Variants in SLC4A11 observed in about 807,000 individuals in gnomAD.
The protein encoded by SLC4A11 is bicarbonate transporter related protein 1.
SLC4A11 carries 74 observed loss-of-function variants against 95.0 expected under a neutral mutation model. That is an observed-to-expected ratio of 0.78 (90% confidence interval 0.65 to 0.95). The LOEUF is 0.95. Among genes scored for constraint, SLC4A11 ranks in the 40% least tolerant of loss-of-function variants. SLC4A11 has a pLI of 0.00. For missense variants in SLC4A11, 1,081 were observed against 1,192.4 expected (o/e 0.91, Z 1.38); for synonymous variants, 548 against 519.0 (o/e 1.06, Z -0.76).
intron 13 of SLC4A11, 128 bp downstream of exon 13, chr20:3,230,050 TCCCAGAGCA>T: frequency 5.8e-6 from 7 of 1,200,502 alleles, no homozygotes; most frequent in Non-Finnish European, 8.6e-6. Flanking sequence ...AGCCCAAGGC[TCCCAGAGCA>T]CCGCACCCTT....
At chr20:3,232,273 C>T (rs1012023638) in intron 7 of SLC4A11, among the ~76,000 whole-genome samples, 7 of 152,254 alleles carry the variant, frequency 4.6e-5, no homozygotes, top group African/African-American at 1.7e-4. Context: ...AGGTGAAGCC[C>T]GTCCGTGAAC....
chr20:3,234,631 G>T lies in SLC4A11; in HGVS notation c.242-14C>A. On this transcript the variant is annotated splice_polypyrimidine_tract_variant and intron_variant, in intron 3 of 19. Transcript: ENST00000642402. The surrounding 1 kb of genome is among the most constrained non-coding windows in gnomAD (Gnocchi z 5.8). ...TCGCTTCATTCTCTGCCGGAGAAAAGCGGGGAGGGCTCAGGGTGCCACCCT... is the reference window on the plus strand; with the variant it reads ...TCGCTTCATTCTCTGCCGGAGAAAATCGGGGAGGGCTCAGGGTGCCACCCT... 1.2e-6 allele frequency: 2 copies of T among 1,613,906 alleles called. No homozygotes were observed. Among genetic ancestry groups the T allele is most frequent in the African/African-American group, 1.3e-5 (1 of 75,050 alleles).
At chr20:3,229,063 C>CCCCCCCCCCCCCCCCCCCCCCCA in intron 16 of SLC4A11, 32 bp downstream of exon 16, 1 of 781,076 alleles carries the variant, frequency 1.3e-6, no homozygotes, top group Non-Finnish European at 2.0e-6. Context: ...GGCCCGGGCC[C>CCCCCCCCCCCCCCCCCCCCCCCA]CGCCCACCCC....
At chr20:3,236,568 G>C (rs926678358) in intron 2 of SLC4A11, among the ~76,000 whole-genome samples, 2 of 148,862 alleles carry the variant, frequency 1.3e-5, no homozygotes, top group Non-Finnish European at 3.0e-5. Context: ...CAGCCTGGGC[G>C]ACAGAGCGAG....
chr20:3,239,184 C>G lies in SLC4A11; in HGVS notation c.-47G>C. 2 of 1,401,832 alleles carry G rather than the reference C, an allele frequency of 1.4e-6. No homozygotes were observed. 86.8% of individuals were successfully genotyped at this position (1,401,832 alleles called of 1,614,324 possible). On this transcript the variant is annotated 5_prime_UTR_variant, in exon 1 of 20. Transcript: ENST00000642402. ...CCGGGCTCCTCACGCGGCGCTCCGG[C>G]GCTTCTGGACCCCAAACTCGGCGAC...
chr20:3,227,510 CTTT>C lies in SLC4A11; in HGVS notation c.*274_*276del. 2.0e-6 allele frequency: 1 copy of C among 512,558 alleles called. No individual in the cohort carries two copies. Among genetic ancestry groups the C allele is most frequent in the Non-Finnish European group, 3.5e-6 (1 of 281,824 alleles). 31.8% of individuals were successfully genotyped at this position (512,558 alleles called of 1,614,324 possible). On this transcript the variant is annotated 3_prime_UTR_variant, in exon 20 of 20. Transcript: ENST00000642402. The stretch of plus-strand genomic sequence containing the variant: ...ATGGTTTCTCTTTCAGGCATCGACT[CTTT>C]TATCAAAAGAAAATCCATCCTGCTC...
intron 10 of SLC4A11, 28 bp from the exon 11 acceptor site, chr20:3,230,873 GC>G (rs765059094): frequency 1.9e-6 from 3 of 1,612,684 alleles, no homozygotes; most frequent in Non-Finnish European, 2.5e-6. Context: ...TCAGGTGGGC[GC>G]CGCAGCCCAG....
At chr20:3,228,149 C>A in intron 19 of SLC4A11, 110 bp downstream of exon 19, 1 of 850,276 alleles carries the variant, frequency 1.2e-6, no homozygotes, top group Non-Finnish European at 1.9e-6. Flanking sequence ...CACCCCAACC[C>A]GCCCATTCTC....
At chr20:3,235,547 C>T (rs981491784) in intron 2 of SLC4A11, among the ~76,000 whole-genome samples, 1 of 152,022 alleles carries the variant, frequency 6.6e-6, no homozygotes, top group African/African-American at 2.4e-5. Context: ...CATCGTGCTC[C>T]TCTTCATGTT....
chr20:3,237,697 G>C (rs775203821), intron 1 of SLC4A11, 109 bp from the exon 2 acceptor site: 1 of 1,614,080 alleles, frequency 6.2e-7, no homozygotes, highest in South Asian at 1.1e-5. Context: ...CTCTTCCGAG[G>C]GATGCAACCC....
intron 1 of SLC4A11, chr20:3,237,797 A>G: frequency 6.3e-7 from 1 of 1,598,206 alleles, no homozygotes; most frequent in Non-Finnish European, 8.5e-7. Context: ...CAGAAATTCA[A>G]TTGCTTAGCC....
At position 3,228,337 on chromosome 20, in the gene SLC4A11, A is replaced by G. The variant is rs121909394; in HGVS notation, c.2480T>C (p.Leu827Pro). 72 of 1,612,944 alleles carry G rather than the reference A, an allele frequency of 4.5e-5. No individual in the cohort carries two copies. Among genetic ancestry groups the G allele is most frequent in the Non-Finnish European group, 5.8e-5 (69 of 1,179,856 alleles). The change falls in exon 19 of 20, where the codon CTG becomes CCG. Residue 827 changes from leucine to proline, a missense_variant. This residue lies in a region of SLC4A11 where 767 missense variants were observed against 858.0 expected (regional missense o/e 0.89). Transcript: ENST00000642402. ...TGLQVLQLLL[L>P]CAFGMSSLPY... ...CAGGGAGCTCATGCCGAAGGCACACAGCAGCAGCAGCTGAAGCACCTGCAG... is the reference window on the plus strand; with the variant it reads ...CAGGGAGCTCATGCCGAAGGCACACGGCAGCAGCAGCTGAAGCACCTGCAG...
Position 3,230,793 on chromosome 20 carries a change from G to A in SLC4A11, c.1221C>T (p.Leu407=), listed in dbSNP as rs1474180810. The A allele has an allele frequency of 6.2e-7, 1 of 1,613,236 alleles. No individual in the cohort carries two copies. The highest frequency in any genetic ancestry group is 8.5e-7 in the Non-Finnish European group (1 of 1,179,992). The change falls in exon 11 of 20, where the codon CTC becomes CTT. Residue 407 remains leucine, a synonymous_variant. Coordinates refer to ENST00000642402, the MANE Select transcript of SLC4A11 (RefSeq NM_001174089.2). ...GAATCACCAATGGCTGCCCAGAGAA[G>A]AGCGCGTAGAGCAGGCCCCCGATGC... ...GQSIGGLLYA[L]FSGQPLVILL...
chr20:3,237,755 G>T, intron 1 of SLC4A11, 167 bp from the exon 2 acceptor site: 2 of 1,613,132 alleles, frequency 1.2e-6, no homozygotes, highest in Admixed American at 1.7e-5. Flanking sequence ...CTCGGGAGGG[G>T]GCCCCATAGC....
chr20:3,235,355 G>A (rs1378795507), intron 2 of SLC4A11, among the ~76,000 whole-genome samples: 4 of 119,338 alleles, frequency 3.4e-5, no homozygotes, highest in Non-Finnish European at 7.0e-5. Flanking sequence ...ACACACACAC[G>A]CTGCCTTGTG....
chr20:3,230,374 G>A, intron 12 of SLC4A11, 114 bp from the exon 13 acceptor site: 2 of 1,578,686 alleles, frequency 1.3e-6, no homozygotes, highest in South Asian at 2.2e-5. Flanking sequence ...AGAAGGCCAG[G>A]GCCCCAGGCC....
chr20:3,237,806 C>T, intron 1 of SLC4A11: 2 of 1,587,822 alleles, frequency 1.3e-6, no homozygotes, highest in East Asian at 2.3e-5. Context: ...AATTGCTTAG[C>T]CCATCTGCTA....
rs1341748857 is a variant in SLC4A11, at chr20:3,234,615, T to C, written c.244A>G (p.Asn82Asp). ...NLEMQATNTE[N>D]EATSGGCVLL... ...ACACAGCCACCGGAAGTCGCTTCAT[T>C]CTCTGCCGGAGAAAAGCGGGGAGGG... Residue 82 changes from asparagine to aspartate, a missense_variant and splice_region_variant, in exon 4 of 20, where the codon AAT (asparagine) becomes GAT (aspartate). By Grantham distance (23) the Asn-to-Asp change is conservative. Coordinates refer to ENST00000642402, the MANE Select transcript of SLC4A11 (RefSeq NM_001174089.2). This position sits in a 1 kb window ranked among gnomAD's most constrained non-coding sequence, Gnocchi z 5.8. The C allele has an allele frequency of 6.2e-7, 1 of 1,613,600 alleles. No individual in the cohort carries two copies. The highest frequency in any genetic ancestry group is 8.5e-7 in the Non-Finnish European group (1 of 1,179,998).
Position 3,229,688 on chromosome 20 carries a change from G to A in SLC4A11, c.1578C>T (p.Ala526=), listed in dbSNP as rs1247924686. 4 of 1,613,840 alleles carry A rather than the reference G, an allele frequency of 2.5e-6. No individual in the cohort carries two copies. The highest frequency in any genetic ancestry group is 8.5e-7 in the Non-Finnish European group (1 of 1,179,986). ...CAGTGTGGAGGCTGGCGTTGAGGCT[G>A]GCGCCGAGGCCTGACAGGCTGACAA... ...SSLVSLSGLG[A]SLNASLHTAL... Residue 526 remains alanine, a synonymous_variant, in exon 14 of 20, where the codon GCC becomes GCT. Coordinates refer to ENST00000642402, the MANE Select transcript of SLC4A11 (RefSeq NM_001174089.2).
Sources: gnomAD v4.1 joint callset for allele counts (sites outside exome capture counted in the v4.1 genomes callset) on GRCh38, gnomAD v4.1.1 for gene constraint, gnomAD v4.1.1 regional missense constraint, Gnocchi (gnomAD v3.1) non-coding constraint, MANE v1.5 for transcripts, NCBI Gene and HGNC (gene_info 2026-07-23, HGNC 2026-07-21) for gene names.